GMDS: variants seen among roughly 807,000 people sequenced by gnomAD.
GMDS encodes the protein GDP-mannose 4,6 dehydratase.
Under a neutral mutation model 49.9 loss-of-function variants are expected in GMDS, and 20 were observed. The ratio of observed to expected loss-of-function variants is 0.40; its 90% confidence interval spans 0.28 to 0.58. The LOEUF (loss-of-function observed/expected upper bound fraction) is 0.58. Among genes scored for constraint, GMDS ranks in the 20% least tolerant of loss-of-function variants. The pLI is 0.42. For synonymous variants in GMDS, 177 were observed against 178.6 expected (o/e 0.99, Z 0.07); for missense variants, 362 against 481.4 (o/e 0.75, Z 2.32).
In GMDS at chr6:2,080,432, A is replaced by G. The variant is rs141129238; in HGVS notation, c.345+35339T>C. Among the ~76,000 whole-genome samples the G allele has an allele frequency of 4.8e-3, 737 of 152,276 alleles. 8 individuals carry two copies. Among genetic ancestry groups the G allele is most frequent in the African/African-American group, 0.017 (699 of 41,538 alleles). Reference sequence around the variant, plus strand: ...TGTTGCTACTTGGGCATCTGGTGTCAGTCACTGCCTTCAATTTTTTGAATT... The same window carrying G: ...TGTTGCTACTTGGGCATCTGGTGTCGGTCACTGCCTTCAATTTTTTGAATT... On this transcript the variant is annotated intron_variant, in intron 4 of 10. Transcript: ENST00000380815.
intron 7 of GMDS, among the ~76,000 whole-genome samples, chr6:1,855,206 T>C (rs1309003772): frequency 2.6e-5 from 4 of 152,184 alleles, no homozygotes; most frequent in Admixed American, 6.5e-5. Flanking sequence ...TATGACCTGC[T>C]CTGGGAAAAG....
At chr6:2,206,989 C>G (rs965938404) in intron 1 of GMDS, among the ~76,000 whole-genome samples, 7 of 152,148 alleles carry the variant, frequency 4.6e-5, no homozygotes, top group Admixed American at 3.3e-4. Flanking sequence ...TATTCACAGC[C>G]ATGCCATGAG....
chr6:2,237,566 G>C (rs1350542479), intron 1 of GMDS, among the ~76,000 whole-genome samples: 1 of 144,684 alleles, frequency 6.9e-6, no homozygotes, highest in African/African-American at 2.6e-5. Context: ...CTGTCACCCA[G>C]GCTGGAGTAC....
chr6:2,042,617 T>A, intron 4 of GMDS, among the ~76,000 whole-genome samples: 1 of 152,300 alleles, frequency 6.6e-6, no homozygotes, highest in East Asian at 1.9e-4. Context: ...TTAAAAAATT[T>A]TTTTTAAGTT....
chr6:2,234,901 G>C (rs193193986), intron 1 of GMDS, among the ~76,000 whole-genome samples: 1 of 151,896 alleles, frequency 6.6e-6, no homozygotes, highest in African/African-American at 2.4e-5. Flanking sequence ...CAAGGTGGGC[G>C]GATCACCTGA....
At chr6:1,985,023 T>A (rs1334283953) in intron 4 of GMDS, among the ~76,000 whole-genome samples, 1 of 152,174 alleles carries the variant, frequency 6.6e-6, no homozygotes, top group African/African-American at 2.4e-5. Flanking sequence ...AAGAGGGAAT[T>A]CAGTCAGGCT....
chr6:1,853,158 C>G (rs1040914632), intron 7 of GMDS, among the ~76,000 whole-genome samples: 3 of 152,062 alleles, frequency 2.0e-5, no homozygotes, highest in Non-Finnish European at 4.4e-5. Flanking sequence ...TGAAAAGTAT[C>G]TGAGACATGA....
chr6:1,870,655 T>G (rs538282131), intron 7 of GMDS, among the ~76,000 whole-genome samples: 45 of 152,320 alleles, frequency 3.0e-4, no homozygotes, highest in African/African-American at 1.1e-3. Flanking sequence ...AAATATACTC[T>G]TCCTTATACG....
intron 9 of GMDS, among the ~76,000 whole-genome samples, chr6:1,670,945 G>A (rs892823089): frequency 8.5e-5 from 13 of 152,154 alleles, no homozygotes; most frequent in African/African-American, 2.7e-4. Flanking sequence ...CTGCTCGCCC[G>A]GACTTTTGCT....
intron 7 of GMDS, among the ~76,000 whole-genome samples, chr6:1,899,649 A>G (rs949518410): frequency 6.6e-6 from 1 of 152,246 alleles, no homozygotes; most frequent in African/African-American, 2.4e-5. Flanking sequence ...AAGCCAAAAA[A>G]CAATCTCCTA....
chr6:1,728,863 CTTATT>C (rs1321646028), intron 8 of GMDS, among the ~76,000 whole-genome samples: 2 of 151,908 alleles, frequency 1.3e-5, no homozygotes, highest in Non-Finnish European at 2.9e-5. Context: ...TCTTCCTCCT[CTTATT>C]TTTTCTTCCT....
intron 6 of GMDS, among the ~76,000 whole-genome samples, chr6:1,953,287 C>T (rs1366393794): frequency 2.0e-5 from 3 of 152,060 alleles, no homozygotes; most frequent in Non-Finnish European, 2.9e-5. Flanking sequence ...GCTAATTCTA[C>T]ACTCATACTG....
intron 1 of GMDS, among the ~76,000 whole-genome samples, chr6:2,241,149 G>A (rs1325054677): frequency 6.6e-6 from 1 of 152,158 alleles, no homozygotes; most frequent in East Asian, 1.9e-4. Flanking sequence ...GGGCACAGCT[G>A]GCCTGGCACA....
chr6:1,827,078 ATGTG>A (rs111813765), intron 7 of GMDS, among the ~76,000 whole-genome samples: 9,296 of 125,056 alleles, frequency 0.074, 767 homozygotes, highest in African/African-American at 0.21. Context: ...AAAAATATAT[ATGTG>A]TGTGTGTGTG....
chr6:2,101,581 T>A (rs894927493), intron 4 of GMDS, among the ~76,000 whole-genome samples: 3 of 151,844 alleles, frequency 2.0e-5, no homozygotes, highest in African/African-American at 7.3e-5. Context: ...AGAAAGTATA[T>A]CAAATCTATC....
chr6:1,712,289 T>C (rs1766000284), intron 9 of GMDS, among the ~76,000 whole-genome samples: 1 of 152,236 alleles, frequency 6.6e-6, no homozygotes, highest in Non-Finnish European at 1.5e-5. Flanking sequence ...CAAACACTAA[T>C]TTAACCTCCC....
chr6:2,078,590 A>G (rs1482336812), intron 4 of GMDS, among the ~76,000 whole-genome samples: 1 of 151,982 alleles, frequency 6.6e-6, no homozygotes, highest in African/African-American at 2.4e-5. Context: ...GATCCTCTTG[A>G]TATTTCTAGT....
chr6:1,930,908 T>C (rs1381858373), intron 6 of GMDS: 1 of 152,242 alleles, frequency 6.6e-6, no homozygotes, highest in African/African-American at 2.4e-5. Context: ...CAGTGTTATT[T>C]ACAGAAAGGG....
chr6:1,950,450 T>C (rs1581408732), intron 6 of GMDS, among the ~76,000 whole-genome samples: 1 of 152,218 alleles, frequency 6.6e-6, no homozygotes, highest in Non-Finnish European at 1.5e-5. Flanking sequence ...CCATCTTGAC[T>C]TGGCTCGTGA....
Sources: gnomAD v4.1 joint callset for allele counts (sites outside exome capture counted in the v4.1 genomes callset) on GRCh38, gnomAD v4.1.1 for gene constraint, MANE v1.5 for transcripts, NCBI Gene and HGNC (gene_info 2026-07-23, HGNC 2026-07-21) for gene names.